The following ZC3H12B variants were observed in gnomAD, a reference collection of about 807,000 sequenced individuals.
ZC3H12B encodes zinc finger CCCH-type containing 12B.
A neutral mutation model predicts 43.9 loss-of-function variants in ZC3H12B; 7 were observed. That is an observed-to-expected ratio of 0.16 (90% CI 0.09 to 0.30). The LOEUF (loss-of-function observed/expected upper bound fraction) is 0.30, where lower values mean the gene tolerates loss of function less well. Ranked by LOEUF, ZC3H12B falls within the 10% of genes least tolerant of loss-of-function variation. ZC3H12B has a pLI of 1.00. For missense variants in ZC3H12B, 475 were observed against 670.2 expected (o/e 0.71, Z 3.22); for synonymous variants, 222 against 241.7 (o/e 0.92, Z 0.76).
chrX:65,153,671 G>C, the ZC3H12B span, among the ~76,000 whole-genome samples: 36 of 112,270 alleles, frequency 3.2e-4, no homozygotes, highest in South Asian at 0.011. Context: ...AGTCAATGTG[G>C]TGATTCCTCA....
the ZC3H12B span, among the ~76,000 whole-genome samples, chrX:65,342,498 T>A: frequency 8.9e-6 from 1 of 111,925 alleles, no homozygotes; most frequent in African/African-American, 3.3e-5. Context: ...AAGTCAAGAC[T>A]AAGAAAATAG....
chrX:65,169,841 AGACT>A, the ZC3H12B span, among the ~76,000 whole-genome samples: 1 of 111,672 alleles, frequency 9.0e-6, no homozygotes, highest in African/African-American at 3.3e-5. Context: ...GTTTCATCAG[AGACT>A]AGCATTGCAA....
the ZC3H12B span, among the ~76,000 whole-genome samples, chrX:65,197,304 C>T: frequency 8.9e-6 from 1 of 112,364 alleles, no homozygotes; most frequent in Non-Finnish European, 1.9e-5. Context: ...GACCCGCCTG[C>T]TCAGCTCTCT....
chrX:65,307,712 T>C, the ZC3H12B span, among the ~76,000 whole-genome samples: 1 of 111,814 alleles, frequency 8.9e-6, no homozygotes, highest in African/African-American at 3.2e-5. Flanking sequence ...TTGAATAAAT[T>C]ATTGTTCACA....
At chrX:65,070,307 A>G in the ZC3H12B span, among the ~76,000 whole-genome samples, 1 of 109,973 alleles carries the variant, frequency 9.1e-6, no homozygotes, top group African/African-American at 3.3e-5. Flanking sequence ...GTCATTTCTG[A>G]TTGTATTTAT....
chrX:65,213,583 G>T, the ZC3H12B span, among the ~76,000 whole-genome samples: 1 of 110,983 alleles, frequency 9.0e-6, no homozygotes, highest in Admixed American at 9.8e-5. Context: ...CTCAGTGTTG[G>T]AGATGGAGTC....
chrX:65,439,614 A>G (rs1199701973), intron 3 of ZC3H12B, among the ~76,000 whole-genome samples: 3 of 112,256 alleles, frequency 2.7e-5, no homozygotes, highest in Non-Finnish European at 5.6e-5. Context: ...ATCAGAAAGC[A>G]TGTGTTACTG....
chrX:65,074,739 G>A, the ZC3H12B span, among the ~76,000 whole-genome samples: 2 of 111,617 alleles, frequency 1.8e-5, no homozygotes, highest in Non-Finnish European at 1.9e-5. Flanking sequence ...GGTTGATCAA[G>A]TGTGATATTG....
intron 3 of ZC3H12B, among the ~76,000 whole-genome samples, chrX:65,456,240 G>A (rs760406582): frequency 2.7e-3 from 298 of 111,355 alleles, no homozygotes; most frequent in Non-Finnish European, 4.0e-3. Context: ...CCCATCTCAC[G>A]TGCAGAGACA....
chrX:65,270,413 T>G, the ZC3H12B span, among the ~76,000 whole-genome samples: 3 of 111,940 alleles, frequency 2.7e-5, no homozygotes, highest in Non-Finnish European at 5.6e-5. Flanking sequence ...ATGTAAGACC[T>G]GAAATTATAA....
At chrX:65,384,991 C>A (rs2148016832) in intron 2 of ZC3H12B, among the ~76,000 whole-genome samples, 1 of 111,946 alleles carries the variant, frequency 8.9e-6, no homozygotes, top group Admixed American at 9.5e-5. Flanking sequence ...GGGCTCTGAT[C>A]TGTTCCTTTT....
chrX:65,257,044 G>A, the ZC3H12B span, among the ~76,000 whole-genome samples: 1 of 112,195 alleles, frequency 8.9e-6, no homozygotes, highest in Admixed American at 9.4e-5. Context: ...AGACAGTGTG[G>A]TGATTCCTCA....
chrX:65,159,428 T>A, the ZC3H12B span, among the ~76,000 whole-genome samples: 1 of 111,717 alleles, frequency 9.0e-6, no homozygotes, highest in African/African-American at 3.3e-5. Context: ...TTTGTTTGTA[T>A]CCTCTTATTT....
the ZC3H12B span, among the ~76,000 whole-genome samples, chrX:65,158,517 G>C: frequency 8.9e-6 from 1 of 112,070 alleles, no homozygotes; most frequent in Non-Finnish European, 1.9e-5. Flanking sequence ...TTTCTCTGAT[G>C]GCCAGTGATG....
At chrX:65,187,046 C>T in the ZC3H12B span, 5 of 111,698 alleles carry the variant, frequency 4.5e-5, no homozygotes, top group African/African-American at 1.6e-4. Flanking sequence ...GGGTAGATAC[C>T]TAGGAGTGGG....
chrX:65,219,387 T>A, the ZC3H12B span, among the ~76,000 whole-genome samples: 1 of 111,190 alleles, frequency 9.0e-6, no homozygotes, highest in Non-Finnish European at 1.9e-5. Context: ...AAAAGTGAAG[T>A]CCAACTTAAA....
chrX:65,190,471 C>T, the ZC3H12B span, among the ~76,000 whole-genome samples: 1 of 110,435 alleles, frequency 9.1e-6, no homozygotes, highest in Admixed American at 9.7e-5. Context: ...TCTTTTATTT[C>T]CTTGAGGAGT....
the ZC3H12B span, among the ~76,000 whole-genome samples, chrX:65,118,271 C>T: frequency 5.4e-5 from 6 of 111,441 alleles, no homozygotes; most frequent in East Asian, 1.4e-3. Flanking sequence ...TTGAAGAGGT[C>T]CTTGACATCG....
the ZC3H12B span, among the ~76,000 whole-genome samples, chrX:65,336,248 A>G: frequency 8.9e-6 from 1 of 112,396 alleles, no homozygotes; most frequent in East Asian, 2.8e-4. Flanking sequence ...AACCTGACTG[A>G]TAAGAAATTC....
Sources: gnomAD v4.1 joint callset for allele counts (sites outside exome capture counted in the v4.1 genomes callset) on GRCh38, gnomAD v4.1.1 for gene constraint, MANE v1.5 for transcripts, NCBI Gene and HGNC (gene_info 2026-07-23, HGNC 2026-07-21) for gene names.